KIF26B: variants seen among roughly 807,000 people sequenced by gnomAD.
The protein encoded by KIF26B is kinesin-like protein KIF26B.
Under a neutral mutation model 151.2 loss-of-function variants are expected in KIF26B, and 63 were observed. That is an observed-to-expected ratio of 0.42 (90% CI 0.34 to 0.51). KIF26B has a LOEUF of 0.51. Ranked by LOEUF, KIF26B falls within the 20% of genes least tolerant of loss-of-function variation. KIF26B has a pLI of 0.07. For missense variants in KIF26B, 2,813 were observed against 2,913.6 expected (o/e 0.97, Z 0.79); for synonymous variants, 1,357 against 1,262.1 (o/e 1.08, Z -1.59).
chr1:245,380,955 G>GAAAAAAAA (rs35477111), intron 3 of KIF26B, among the ~76,000 whole-genome samples: 1 of 77,930 alleles, frequency 1.3e-5, no homozygotes, highest in Admixed American at 1.3e-4. Flanking sequence ...CCAAAAAGAT[G>GAAAAAAAA]AAAAAAAAAA....
chr1:245,246,075 G>C (rs1670324260), intron 2 of KIF26B, among the ~76,000 whole-genome samples: 1 of 148,720 alleles, frequency 6.7e-6, no homozygotes, highest in Non-Finnish European at 1.5e-5. Context: ...CTGGGCGACA[G>C]AGCGAGACTC....
intron 10 of KIF26B, among the ~76,000 whole-genome samples, chr1:245,647,805 T>C (rs2043970547): frequency 6.6e-6 from 1 of 152,230 alleles, no homozygotes; most frequent in Non-Finnish European, 1.5e-5. Context: ...GAACCATTAC[T>C]GGACTGACTT....
At chr1:245,279,016 G>A (rs893808823) in intron 2 of KIF26B, among the ~76,000 whole-genome samples, 17 of 152,234 alleles carry the variant, frequency 1.1e-4, no homozygotes, top group African/African-American at 3.6e-4. Flanking sequence ...TTCACACAAC[G>A]TGTCTGATAG....
At chr1:245,450,711 A>G (rs938078198) in intron 4 of KIF26B, among the ~76,000 whole-genome samples, 4 of 152,200 alleles carry the variant, frequency 2.6e-5, no homozygotes, top group Non-Finnish European at 5.9e-5. Context: ...TGTTTTTTAT[A>G]CTAAAAGACA....
chr1:245,345,373 C>T (rs989975235), intron 2 of KIF26B, among the ~76,000 whole-genome samples: 1 of 152,178 alleles, frequency 6.6e-6, no homozygotes, highest in Non-Finnish European at 1.5e-5. Context: ...TCGAGCCTTG[C>T]GTCTCTGTTT....
chr1:245,664,237 G>A (rs112251579), intron 10 of KIF26B, among the ~76,000 whole-genome samples: 125 of 151,672 alleles, frequency 8.2e-4, no homozygotes, highest in African/African-American at 2.7e-3. Flanking sequence ...GCATGGTGGC[G>A]GGCGCCTGTA....
chr1:245,302,811 A>C (rs1183517795), intron 2 of KIF26B, among the ~76,000 whole-genome samples: 4 of 152,008 alleles, frequency 2.6e-5, no homozygotes, highest in Non-Finnish European at 5.9e-5. Flanking sequence ...CAACATGGTG[A>C]AACCCTGTCT....
In KIF26B at chr1:245,601,619, T is replaced by C. The variant is rs945240215; in HGVS notation, c.1351-958T>C. On this transcript the variant is annotated intron_variant, in intron 5 of 14. Transcript: ENST00000407071. This position sits in a 1 kb window ranked among gnomAD's most constrained non-coding sequence, Gnocchi z 4.4. ...ATCCTGCTACTCTATGCATTACATA[T>C]CTTTGCATCCCCCATGCCTAGCACA... is the stretch of plus-strand genomic sequence containing the variant. Among the ~76,000 whole-genome samples, 26 of 152,200 alleles carry C rather than the reference T, an allele frequency of 1.7e-4. No individual in the cohort carries two copies. Among genetic ancestry groups the C allele is most frequent in the African/African-American group, 6.3e-4 (26 of 41,446 alleles).
At chr1:245,463,669 C>A (rs185510741) in intron 4 of KIF26B, among the ~76,000 whole-genome samples, 1 of 152,306 alleles carries the variant, frequency 6.6e-6, no homozygotes, top group African/African-American at 2.4e-5. Flanking sequence ...TGCCTGCTGT[C>A]CTGTGGTGCA....
intron 10 of KIF26B, among the ~76,000 whole-genome samples, chr1:245,666,649 G>A (rs1415548878): frequency 2.0e-5 from 3 of 152,100 alleles, no homozygotes; most frequent in Admixed American, 1.3e-4. Context: ...ACACATAGGC[G>A]GCTGCTTCCT....
At position 245,367,194 on chromosome 1, in the gene KIF26B, G is replaced by A. The variant is rs766035054; in HGVS notation, c.826G>A (p.Gly276Arg). ...ACCCAGCAGCCTTGGGGTCAGCAAT[G>A]GGGCGGAAAAGAAGAGCGGGTCCCC... is the stretch of plus-strand genomic sequence containing the variant. ...SKPSSLGVSN[G>R]AEKKSGSPTH... The change falls in exon 3 of 15, where the codon GGG becomes AGG. Residue 276 changes from glycine (G) to arginine (R), a missense_variant. Coordinates refer to ENST00000407071, the MANE Select transcript of KIF26B (RefSeq NM_018012.4). This position sits in a 1 kb window ranked among gnomAD's most constrained non-coding sequence, Gnocchi z 4.2. 3.1e-6 allele frequency: 5 copies of A among 1,608,836 alleles called. No homozygotes were observed. In the East Asian group the frequency reaches 6.7e-5, roughly 22 times the overall value.
rs190749887 is a variant in KIF26B at position 245,205,528 on chromosome 1, A to G, written c.465+48845A>G. Among the ~76,000 whole-genome samples the G allele has an allele frequency of 2.9e-3, 446 of 152,256 alleles. 1 individual carries two copies. Among genetic ancestry groups the G allele is most frequent in the African/African-American group, 0.01 (421 of 41,546 alleles). ...CATAAGAAAGATGTGGTTGAGAACTACATTTCCACAATAATTACACAATTG... is the reference window on the plus strand; with the variant it reads ...CATAAGAAAGATGTGGTTGAGAACTGCATTTCCACAATAATTACACAATTG... On this transcript the variant is annotated intron_variant, in intron 2 of 14. Coordinates refer to ENST00000407071, the MANE Select transcript of KIF26B (RefSeq NM_018012.4).
intron 5 of KIF26B, among the ~76,000 whole-genome samples, chr1:245,547,238 A>C (rs1002950224): frequency 2.6e-5 from 4 of 152,170 alleles, no homozygotes; most frequent in African/African-American, 9.7e-5. Context: ...CTGTTAGGAG[A>C]ATATTCTCCG....
In KIF26B at chr1:245,687,123, C is replaced by T; in HGVS notation, c.4140C>T (p.Ser1380=). Residue 1380 remains serine (S), a synonymous_variant, in exon 12 of 15, where the codon AGC becomes AGT. Coordinates refer to ENST00000407071, the MANE Select transcript of KIF26B (RefSeq NM_018012.4). The surrounding 1 kb of genome is among the most constrained non-coding windows in gnomAD (Gnocchi z 4.9). The stretch of plus-strand genomic sequence containing the variant: ...TCTCCAACACGGCCAATCTGAGCAG[C>T]TGCGAGGGGTACATCCCCATGAAGA... The part of the protein sequence containing the change: ...VTISNTANLS[S]CEGYIPMKTN... 6.2e-7 allele frequency: 1 copy of T among 1,613,450 alleles called. No homozygotes were observed. The highest frequency in any genetic ancestry group is 8.5e-7 in the Non-Finnish European group (1 of 1,179,854).
At chr1:245,612,492 T>C (rs1171406806) in intron 9 of KIF26B, among the ~76,000 whole-genome samples, 2 of 152,202 alleles carry the variant, frequency 1.3e-5, no homozygotes, top group African/African-American at 4.8e-5. Context: ...GAAGTTCACT[T>C]TTGAACTGTC....
intron 5 of KIF26B, among the ~76,000 whole-genome samples, chr1:245,589,812 A>T (rs1277890673): frequency 6.6e-6 from 1 of 152,188 alleles, no homozygotes; most frequent in East Asian, 1.9e-4. Flanking sequence ...AAGCAGTGGG[A>T]TATTGAAATT....
At chr1:245,226,073 A>G (rs758264071) in intron 2 of KIF26B, 11 of 152,254 alleles carry the variant, frequency 7.2e-5, no homozygotes, top group Non-Finnish European at 1.2e-4. Context: ...TCATCTTCAC[A>G]ACGATCCATG....
At chr1:245,646,372 G>C (rs1224726370) in intron 10 of KIF26B, 92 bp downstream of exon 10, 1 of 1,348,734 alleles carries the variant, frequency 7.4e-7, no homozygotes, top group Non-Finnish European at 1.0e-6. Flanking sequence ...GTGCCACAGA[G>C]GGACAGCCTG....
At position 245,540,923 on chromosome 1, in the gene KIF26B, G is replaced by A. The variant is rs771552619; in HGVS notation, c.1323G>A (p.Lys441=). ...CCTGCCTGCTGAGGGCTGTCAACAA[G>A]GTGAAGGACACCCCGGGGCTGGGCA... is the stretch of plus-strand genomic sequence containing the variant. ...APPCLLRAVN[K]VKDTPGLGKV... The change falls in exon 5 of 15, where the codon AAG becomes AAA. Residue 441 remains lysine, a synonymous_variant. Transcript: ENST00000407071. The surrounding 1 kb of genome is among the most constrained non-coding windows in gnomAD (Gnocchi z 4.6). 5 of 1,613,790 alleles carry A rather than the reference G, an allele frequency of 3.1e-6. No homozygotes were observed. The highest frequency in any genetic ancestry group is 4.2e-6 in the Non-Finnish European group (5 of 1,179,764).
Sources: allele counts gnomAD v4.1 joint callset (sites outside exome capture counted in the v4.1 genomes callset), GRCh38; gene constraint gnomAD v4.1.1; non-coding constraint Gnocchi (gnomAD v3.1); transcripts MANE v1.5; gene names NCBI Gene and HGNC (gene_info 2026-07-23, HGNC 2026-07-21).